Variants in PDLIM7 observed in about 807,000 individuals in gnomAD.
PDLIM7 encodes PDZ and LIM domain protein 7.
In PDLIM7, 37 loss-of-function variants were observed where a neutral mutation model predicts 53.9. The observed-to-expected ratio is 0.69, with a 90% CI of 0.53 to 0.90. The LOEUF is 0.90. PDLIM7 is among the 40% of genes least tolerant of loss of function. The probability of loss-of-function intolerance (pLI) is 0.00; values close to 1 mark genes in which losing one functional copy is unlikely to be tolerated. For synonymous variants in PDLIM7, 300 were observed against 261.3 expected (o/e 1.15, Z -1.43); for missense variants, 617 against 638.5 (o/e 0.97, Z 0.36).
intron 2 of PDLIM7, among the ~76,000 whole-genome samples, chr5:177,493,944 C>T (rs1758931715): frequency 6.6e-6 from 1 of 152,110 alleles, no homozygotes; most frequent in Non-Finnish European, 1.5e-5. Flanking sequence ...TGTCAGAGGG[C>T]AGGGCAGCCA....
intron 10 of PDLIM7, among the ~76,000 whole-genome samples, chr5:177,487,732 C>T (rs1038899827): frequency 1.3e-5 from 2 of 152,218 alleles, no homozygotes; most frequent in Non-Finnish European, 2.9e-5. Context: ...ATGAGGAGGA[C>T]GCATGAGACA....
chr5:177,494,620 T>G, intron 2 of PDLIM7, among the ~76,000 whole-genome samples: 1 of 149,818 alleles, frequency 6.7e-6, no homozygotes. Context: ...GCACAGAGGA[T>G]GAGGGGTGTT....
chr5:177,488,790 T>G (rs2127411664), intron 9 of PDLIM7, among the ~76,000 whole-genome samples: 1 of 151,624 alleles, frequency 6.6e-6, no homozygotes, highest in South Asian at 2.1e-4. Flanking sequence ...CTCAGGAGGC[T>G]GAGGCAGGAG....
Position 177,489,491 on chromosome 5 carries a change from G to A in PDLIM7, c.771C>T (p.Ser257=). Residue 257 remains serine (S), a synonymous_variant, in exon 9 of 13, where the codon AGC becomes AGT. Transcript: ENST00000355841. ...SQPATPTPLQ[S]RTSIVQAAAG... ...CAGCTGCCTGCACAATGGAGGTGCG[G>A]CTCTGCAGCGGCGTGGGCGTGGCCG... The A allele has an allele frequency of 6.2e-7, 1 of 1,607,928 alleles. No individual in the cohort carries two copies. The highest frequency in any genetic ancestry group is 8.5e-7 in the Non-Finnish European group (1 of 1,177,956).
intron 2 of PDLIM7, chr5:177,494,898 G>A (rs1430724782): frequency 6.6e-6 from 1 of 152,278 alleles, no homozygotes; most frequent in African/African-American, 2.4e-5. Context: ...TCAGGGGAGG[G>A]GGAGGGGGCT....
intron 9 of PDLIM7, among the ~76,000 whole-genome samples, chr5:177,488,532 C>T (rs980865886): frequency 5.3e-5 from 8 of 152,184 alleles, no homozygotes; most frequent in South Asian, 2.1e-4. Context: ...AAAGCTGAGC[C>T]GCCCCTGGGC....
chr5:177,492,131 C>T (rs1758828785), intron 4 of PDLIM7: 1 of 595,624 alleles, frequency 1.7e-6, no homozygotes, highest in Non-Finnish European at 2.9e-6. Context: ...CCACGCAGGA[C>T]CGAGGGCTGA....
At position 177,483,998 on chromosome 5, in the gene PDLIM7, G is replaced by C; in HGVS notation, c.1172-16C>G. The C allele has an allele frequency of 1.2e-6, 2 of 1,613,562 alleles. No homozygotes were observed. The highest frequency in any genetic ancestry group is 1.7e-6 in the Non-Finnish European group (2 of 1,179,722). On this transcript the variant is annotated splice_polypyrimidine_tract_variant and intron_variant, in intron 11 of 12. Coordinates refer to ENST00000355841, the MANE Select transcript of PDLIM7 (RefSeq NM_005451.5). ...TTCTCATAGTCTGAGAATGGGGGCA[G>C]AGAGAAAGAGGACCTGGATTCATGC... is the stretch of plus-strand genomic sequence containing the variant.
At chr5:177,490,821 G>A in intron 7 of PDLIM7, 49 bp downstream of exon 7, 1 of 1,603,840 alleles carries the variant, frequency 6.2e-7, no homozygotes, top group Non-Finnish European at 8.5e-7. Flanking sequence ...GCAGTAGCTG[G>A]AATGGAAGAG....
At position 177,496,540 on chromosome 5, in the gene PDLIM7, G is replaced by T; in HGVS notation, c.-11-17C>A. ...TGCCGGCTCCTGAGAGGAGAGAAGA[G>T]AAGGTGAGTGGCCAGCATGGTGGGC... On this transcript the variant is annotated splice_polypyrimidine_tract_variant and intron_variant, in intron 1 of 12. Coordinates refer to ENST00000355841, the MANE Select transcript of PDLIM7 (RefSeq NM_005451.5). 6.5e-7 allele frequency: 1 copy of T among 1,538,280 alleles called. No homozygotes were observed. Among genetic ancestry groups the T allele is most frequent in the African/African-American group, 1.4e-5 (1 of 72,180 alleles).
At position 177,488,146 on chromosome 5, in the gene PDLIM7, C is replaced by A; in HGVS notation, c.972G>T (p.Lys324Asn). The change falls in exon 10 of 13, where the codon AAG becomes AAT. Residue 324 changes from lysine (K) to asparagine (N), a missense_variant. Lys to Asn is a moderately conservative substitution (Grantham distance 94). Coordinates refer to ENST00000355841, the MANE Select transcript of PDLIM7 (RefSeq NM_005451.5). ...AGCATGGTGGGCAGAAGATGGCGCC[C>A]TTCTCCTCAAAGAAGCCACCCTCTT... is the stretch of plus-strand genomic sequence containing the variant. Reference protein sequence around the residue: ...VLEEGGFFEEKGAIFCPPCYD... With the variant: ...VLEEGGFFEENGAIFCPPCYD... The A allele has an allele frequency of 6.2e-7, 1 of 1,613,446 alleles. No homozygotes were observed. The highest frequency in any genetic ancestry group is 8.5e-7 in the Non-Finnish European group (1 of 1,179,966).
At position 177,488,068 on chromosome 5, in the gene PDLIM7, G is replaced by C. The variant is rs145315539; in HGVS notation, c.1050C>G (p.Gly350=). 5 of 1,589,154 alleles carry C rather than the reference G, an allele frequency of 3.1e-6. No individual in the cohort carries two copies. Among genetic ancestry groups the C allele is most frequent in the Non-Finnish European group, 4.3e-6 (5 of 1,166,682 alleles). Residue 350 remains glycine, a splice_region_variant and synonymous_variant, in exon 10 of 13, where the codon GGC becomes GGG. Coordinates refer to ENST00000355841, the MANE Select transcript of PDLIM7 (RefSeq NM_005451.5). ...SCAKCKKKIT[G]EIMHALKMTW... ...CTCCCCGCCAGCCAGCCCTACTCAC[G>C]CCTGTAATCTTCTTCTTGCACTTGG...
chr5:177,491,193 G>C, intron 5 of PDLIM7, 47 bp from the exon 6 acceptor site: 2 of 1,555,384 alleles, frequency 1.3e-6, no homozygotes, highest in South Asian at 2.4e-5. Flanking sequence ...GGTGGGCGGT[G>C]GGGGCAGCCC....
intron 8 of PDLIM7, 23 bp from the exon 9 acceptor site, chr5:177,489,650 AGGG>A: frequency 6.5e-7 from 1 of 1,543,630 alleles, no homozygotes; most frequent in Non-Finnish European, 8.7e-7. Context: ...GTGACTCTAA[AGGG>A]GTGCCCAGGG....
chr5:177,491,996 C>T (rs1758820632), intron 4 of PDLIM7, 71 bp from the exon 5 acceptor site: 1 of 706,440 alleles, frequency 1.4e-6, no homozygotes, highest in African/African-American at 1.9e-5. Context: ...AGTGGGGCGC[C>T]TGCAGCAGAG....
At chr5:177,492,355 C>T (rs374385199) in intron 4 of PDLIM7, 50 bp downstream of exon 4, 7 of 1,603,474 alleles carry the variant, frequency 4.4e-6, no homozygotes, top group African/African-American at 2.7e-5. Context: ...CAGGCCTGGC[C>T]GTCCAAGCCC....
chr5:177,492,448 G>A lies in PDLIM7; in HGVS notation c.249-13C>T. The A allele has an allele frequency of 6.2e-7, 1 of 1,613,682 alleles. No individual in the cohort carries two copies. ...AACCGGCTGGGCCCTGGAGGAGAAG[G>A]AAAGCGTGACAGCGGGCCGGGCCCG... is the stretch of plus-strand genomic sequence containing the variant. On this transcript the variant is annotated splice_polypyrimidine_tract_variant and intron_variant, in intron 3 of 12. Coordinates refer to ENST00000355841, the MANE Select transcript of PDLIM7 (RefSeq NM_005451.5).
rs955984377 is a variant in PDLIM7, at chr5:177,496,211, G to A, written c.96+206C>T. ...GGAGAACAGCATCGGGTACAGTGCA[G>A]GGCTGGAGAAGCCTGGGTGCTCCCT... On this transcript the variant is annotated intron_variant, in intron 2 of 12. Coordinates refer to ENST00000355841, the MANE Select transcript of PDLIM7 (RefSeq NM_005451.5). Among the ~76,000 whole-genome samples the A allele has an allele frequency of 2.0e-5, 3 of 152,206 alleles. No homozygotes were observed. In the South Asian group the frequency reaches 6.2e-4, roughly 31 times the overall value.
chr5:177,496,508 T>C lies in PDLIM7; in HGVS notation c.5A>G (p.Asp2Gly), dbSNP rs752293565. 6.3e-6 allele frequency: 10 copies of C among 1,589,918 alleles called. No individual in the cohort carries two copies. The highest frequency in any genetic ancestry group is 7.7e-6 in the Non-Finnish European group (9 of 1,168,144). M[D>G]SFKVVLEGPA... is the part of the protein sequence containing the mutation. ...CCCCTCCAGCACTACTTTGAAGGAA[T>C]CCATGATGCCGGCTCCTGAGAGGAG... The change falls in exon 2 of 13, where the codon GAT becomes GGT. Residue 2 changes from aspartate to glycine, a missense_variant. Transcript: ENST00000355841.
Sources: gnomAD v4.1 joint callset for allele counts (sites outside exome capture counted in the v4.1 genomes callset) on GRCh38, gnomAD v4.1.1 for gene constraint, MANE v1.5 for transcripts, NCBI Gene and HGNC (gene_info 2026-07-23, HGNC 2026-07-21) for gene names.